The following FBF1 variants were observed in gnomAD, a reference collection of about 807,000 sequenced individuals.
FBF1 encodes fas-binding factor 1.
FBF1 carries 119 observed loss-of-function variants against 147.2 expected under a neutral mutation model. The observed-to-expected ratio is 0.81, with a 90% confidence interval of 0.70 to 0.94. The LOEUF is 0.94. FBF1 is among the 40% of genes least tolerant of loss of function. The pLI is 0.00. For missense variants in FBF1, 1,449 were observed against 1,500.8 expected, an observed-to-expected ratio of 0.97 and a Z score of 0.57; for synonymous variants, 601 against 609.0, an observed-to-expected ratio of 0.99 and a Z score of 0.19.
intron 29 of FBF1, 72 bp downstream of exon 29, chr17:75,912,120 C>T: frequency 1.4e-6 from 2 of 1,437,958 alleles, no homozygotes; most frequent in South Asian, 1.2e-5. Context: ...CTACCATGTG[C>T]TCCTCCCTGC....
At chr17:75,916,719 G>A (rs1356124446) in intron 23 of FBF1, among the ~76,000 whole-genome samples, 1 of 152,228 alleles carries the variant, frequency 6.6e-6, no homozygotes, top group Non-Finnish European at 1.5e-5. Context: ...GGAGGTGGTA[G>A]CATCGAAAGA....
chr17:75,920,996 G>A (rs1353562066), intron 17 of FBF1, among the ~76,000 whole-genome samples: 6 of 152,286 alleles, frequency 3.9e-5, no homozygotes, highest in Admixed American at 2.0e-4. Flanking sequence ...CCAGCTCCCC[G>A]GCCTGGCTGC....
chr17:75,939,193 G>A (rs1015256201), intron 1 of FBF1, among the ~76,000 whole-genome samples: 6 of 151,552 alleles, frequency 4.0e-5, no homozygotes, highest in Non-Finnish European at 7.4e-5. Flanking sequence ...CTACTCAGGA[G>A]GCTGAGGCAG....
intron 13 of FBF1, among the ~76,000 whole-genome samples, chr17:75,924,624 C>A (rs765312330): frequency 6.7e-4 from 102 of 152,050 alleles, no homozygotes; most frequent in Non-Finnish European, 1.0e-3. Flanking sequence ...ATCACAGGCG[C>A]CCACCACCAC....
chr17:75,931,603 G>T (rs1304130633), intron 5 of FBF1, among the ~76,000 whole-genome samples: 1 of 152,060 alleles, frequency 6.6e-6, no homozygotes, highest in Non-Finnish European at 1.5e-5. Context: ...GGCCAACATG[G>T]TGAAACCCCA....
At chr17:75,924,538 T>C (rs978053601) in intron 13 of FBF1, among the ~76,000 whole-genome samples, 4 of 152,054 alleles carry the variant, frequency 2.6e-5, no homozygotes, top group African/African-American at 9.7e-5. Flanking sequence ...CAGTGAGTGG[T>C]GCAATCTCAG....
rs1253374877 is a variant in FBF1, at chr17:75,923,380, T to C, written c.1230A>G (p.Pro410=). Residue 410 remains proline (P), a synonymous_variant, in exon 14 of 30, where the codon CCA becomes CCG. Transcript: ENST00000636174. The surrounding 1 kb of genome is among the most constrained non-coding windows in gnomAD (Gnocchi z 4.1). ...CAGGGGACCCTGCACCTTCAGTTGG[T>C]GGCTTTGCCCTGGAGGGGGGCAGCC... is the stretch of plus-strand genomic sequence containing the variant. The part of the protein sequence containing the change: ...PAGLPPSRAK[P]PTEGAGSPAK... The C allele has an allele frequency of 2.5e-6, 4 of 1,606,760 alleles. No homozygotes were observed.
At chr17:75,926,203 G>A in intron 11 of FBF1, 40 bp from the exon 12 acceptor site, 2 of 1,604,194 alleles carry the variant, frequency 1.2e-6, no homozygotes, top group Non-Finnish European at 1.7e-6. Context: ...GTAGGTATGA[G>A]GGGCTCTCGG....
chr17:75,921,630 G>C (rs2065527335), intron 15 of FBF1, 70 bp from the exon 16 acceptor site: 1 of 824,152 alleles, frequency 1.2e-6, no homozygotes, highest in Admixed American at 2.4e-5. Context: ...AGGGTGGGCA[G>C]CCTCTAGGTG....
At position 75,912,438 on chromosome 17, in the gene FBF1, A is replaced by C. The variant is rs936655566; in HGVS notation, c.3248-131T>G. On this transcript the variant is annotated intron_variant, in intron 28 of 29. Coordinates refer to ENST00000636174, the MANE Select transcript of FBF1 (RefSeq NM_001319193.2). ...GGCCATATACTCAGGGTGCAATGGCACTAACTCTCAGAAGCCTCTGGCAAA... is the reference window on the plus strand; with the variant it reads ...GGCCATATACTCAGGGTGCAATGGCCCTAACTCTCAGAAGCCTCTGGCAAA... 4.9e-6 allele frequency: 3 copies of C among 617,102 alleles called. No homozygotes were observed. In the African/African-American group the frequency reaches 5.6e-5, roughly 12 times the overall value. The allele number at this position is 617,102 out of a possible 1,614,324, so 38.2% of individuals were successfully genotyped here.
At chr17:75,933,921 AG>A (rs1367400480) in intron 4 of FBF1, among the ~76,000 whole-genome samples, 1 of 152,232 alleles carries the variant, frequency 6.6e-6, no homozygotes, top group African/African-American at 2.4e-5. Context: ...AGTATTAGCA[AG>A]GATGTAGAGG....
chr17:75,913,593 A>C, intron 28 of FBF1, 109 bp downstream of exon 28: 2 of 775,022 alleles, frequency 2.6e-6, no homozygotes, highest in Non-Finnish European at 3.9e-6. Context: ...GGCGACTATA[A>C]AACCCAGCTG....
chr17:75,931,180 A>G, intron 6 of FBF1, 49 bp downstream of exon 6: 1 of 1,547,776 alleles, frequency 6.5e-7, no homozygotes, highest in Non-Finnish European at 8.8e-7. Context: ...CACCCATCTC[A>G]GTGTTTCTGG....
At position 75,925,997 on chromosome 17, in the gene FBF1, C is replaced by T. The variant is rs1345043751; in HGVS notation, c.868+33G>A. The T allele has an allele frequency of 1.3e-6, 2 of 1,577,218 alleles. No homozygotes were observed. The highest frequency in any genetic ancestry group is 2.7e-5 in the African/African-American group (2 of 73,998). ...AAAGCCTGATCTAGAGGCCTCCCTC[C>T]CGTCCTGTTGCGGCCCCCGCAAGCC... On this transcript the variant is annotated intron_variant, in intron 12 of 29. Transcript: ENST00000636174. This position sits in a 1 kb window ranked among gnomAD's most constrained non-coding sequence, Gnocchi z 5.0.
At chr17:75,916,822 C>T (rs2065491797) in intron 23 of FBF1, among the ~76,000 whole-genome samples, 1 of 152,124 alleles carries the variant, frequency 6.6e-6, no homozygotes, top group South Asian at 2.1e-4. Flanking sequence ...ACCACCACAC[C>T]CAGTTAATTA....
At position 75,921,374 on chromosome 17, in the gene FBF1, G is replaced by A. The variant is rs367784258; in HGVS notation, c.1616-72C>T. 333 of 1,549,800 alleles carry A rather than the reference G, an allele frequency of 2.1e-4. No homozygotes were observed. The African/African-American group carries it at 2.7e-3, about 13-fold the overall frequency. On this transcript the variant is annotated intron_variant, in intron 16 of 29. Transcript: ENST00000636174. ...GGCCTGCGAGTGTCCAGGAGGGGCT[G>A]GTGTAACTCATGTCCCAGGGACCCC...
chr17:75,914,314 G>A lies in FBF1; in HGVS notation c.2815-16C>T, dbSNP rs3826274. On this transcript the variant is annotated splice_polypyrimidine_tract_variant and intron_variant, in intron 25 of 29. Coordinates refer to ENST00000636174, the MANE Select transcript of FBF1 (RefSeq NM_001319193.2). ...CAGCCTGCTCCTGGAGACAGCGGAG[G>A]CCCTGCTGCATTCTCCTCCCAGGAA... 0.1 allele frequency: 163,103 copies of A among 1,579,782 alleles called. 8,762 individuals carry two copies. Among genetic ancestry groups the A allele is most frequent in the African/African-American group, 0.14 (10,357 of 74,546 alleles).
rs1169051049 is a variant in FBF1, at chr17:75,930,063, G to A, written c.229-16C>T. Reference sequence around the variant, plus strand: ...TACCTGAAACCTAAGTCCACAATGAGGGTGAGGACACAGATGAGGAGGCAC... The same window carrying A: ...TACCTGAAACCTAAGTCCACAATGAAGGTGAGGACACAGATGAGGAGGCAC... On this transcript the variant is annotated splice_polypyrimidine_tract_variant and intron_variant, in intron 6 of 29. Transcript: ENST00000636174. The A allele has an allele frequency of 1.9e-6, 3 of 1,540,022 alleles. No individual in the cohort carries two copies. The highest frequency in any genetic ancestry group is 1.4e-5 in the African/African-American group (1 of 72,354).
chr17:75,912,252 C>T lies in FBF1; in HGVS notation c.3303G>A (p.Leu1101=). 6.2e-7 allele frequency: 1 copy of T among 1,611,150 alleles called. No homozygotes were observed. The highest frequency in any genetic ancestry group is 1.1e-5 in the South Asian group (1 of 90,638). The change falls in exon 29 of 30, where the codon CTG becomes CTA. Residue 1101 remains leucine, a synonymous_variant. Transcript: ENST00000636174. ...TRWCSQPPTG[L]DPSPLHLHAR... Reference sequence around the variant, plus strand: ...CATGGAGGTGCAAGGGGCTGGGGTCCAGGCCAGTTGGCGGCTGGCTGCACC... The same window carrying T: ...CATGGAGGTGCAAGGGGCTGGGGTCTAGGCCAGTTGGCGGCTGGCTGCACC...
Sources: allele counts gnomAD v4.1 joint callset (sites outside exome capture counted in the v4.1 genomes callset), GRCh38; gene constraint gnomAD v4.1.1; non-coding constraint Gnocchi (gnomAD v3.1); transcripts MANE v1.5; gene names NCBI Gene and HGNC (gene_info 2026-07-23, HGNC 2026-07-21).